RBM33: variants seen among roughly 807,000 people sequenced by gnomAD.
The protein encoded by RBM33 is RNA binding motif protein 33, also known as RNA-binding protein 33.
RBM33 carries 28 observed loss-of-function variants against 132.6 expected under a neutral mutation model. That is an observed-to-expected ratio of 0.21 (90% confidence interval 0.16 to 0.29). The LOEUF is 0.29. Among genes scored for constraint, RBM33 ranks in the 10% least tolerant of loss-of-function variants. The pLI is 1.00. For missense variants in RBM33, 1,291 were observed against 1,518.5 expected, an observed-to-expected ratio of 0.85 and a Z score of 2.49; for synonymous variants, 634 against 593.0, an observed-to-expected ratio of 1.07 and a Z score of -1.01.
intron 1 of RBM33, among the ~76,000 whole-genome samples, chr7:155,663,293 G>A (rs1452405997): frequency 2.0e-5 from 3 of 151,726 alleles, no homozygotes; most frequent in African/African-American, 7.3e-5. Flanking sequence ...TGGAGACTGG[G>A]TAATTCATAA....
intron 5 of RBM33, among the ~76,000 whole-genome samples, chr7:155,694,126 T>G (rs1361700645): frequency 1.3e-5 from 2 of 152,192 alleles, no homozygotes; most frequent in African/African-American, 2.4e-5. Context: ...TCTGTTAAGG[T>G]CTATATTAGA....
intron 1 of RBM33, among the ~76,000 whole-genome samples, chr7:155,662,933 G>A (rs1308161532): frequency 6.6e-6 from 1 of 152,164 alleles, no homozygotes; most frequent in Non-Finnish European, 1.5e-5. Context: ...GAGTTTCAAG[G>A]ATGAAGAGGG....
intron 5 of RBM33, among the ~76,000 whole-genome samples, chr7:155,692,011 A>C (rs1335005252): frequency 1.3e-5 from 2 of 151,252 alleles, no homozygotes; most frequent in Non-Finnish European, 2.9e-5. Context: ...TGATTGCGCC[A>C]CTGCCCTCCA....
rs534316976 is a variant in RBM33 at position 155,764,512 on chromosome 7, G to A, written c.3186+494G>A. On this transcript the variant is annotated intron_variant, in intron 15 of 17. Transcript: ENST00000401878. Reference sequence around the variant, plus strand: ...TTCCCTTAACCCTGGGGATTGGAAGGAGCTTCTCTGAGCTCAGGCTGTGAG... The same window carrying A: ...TTCCCTTAACCCTGGGGATTGGAAGAAGCTTCTCTGAGCTCAGGCTGTGAG... Among the ~76,000 whole-genome samples, 8 of 152,334 alleles carry A rather than the reference G, an allele frequency of 5.3e-5. No homozygotes were observed. The South Asian group carries it at 1.7e-3, about 32-fold the overall frequency.
chr7:155,771,803 G>T (rs1043179901), intron 16 of RBM33, among the ~76,000 whole-genome samples: 3 of 152,088 alleles, frequency 2.0e-5, no homozygotes, highest in African/African-American at 7.2e-5. Context: ...ATGATCCTGT[G>T]ATCATGATTC....
At chr7:155,736,014 G>A (rs528436125) in intron 9 of RBM33, among the ~76,000 whole-genome samples, 3 of 152,232 alleles carry the variant, frequency 2.0e-5, no homozygotes, top group Admixed American at 2.0e-4. Context: ...TGTTGTACAT[G>A]TTTCAATAAG....
Position 155,702,259 on chromosome 7 carries a change from C to T in RBM33, c.739+1315C>T, listed in dbSNP as rs532646753. Among the ~76,000 whole-genome samples the T allele has an allele frequency of 4.6e-3, 697 of 152,320 alleles. 8 individuals carry two copies. Among genetic ancestry groups the T allele is most frequent in the African/African-American group, 0.016 (654 of 41,560 alleles). The stretch of plus-strand genomic sequence containing the variant: ...CAGATACGAATTCTGTGGGAGGACA[C>T]TAAGCTTCAAAGATGCACAAGATAG... On this transcript the variant is annotated intron_variant, in intron 6 of 17. Transcript: ENST00000401878.
rs750018669 is a variant in RBM33, at chr7:155,742,030, A to G, written c.2261A>G (p.Gln754Arg). 1 of 1,613,924 alleles carries G rather than the reference A, an allele frequency of 6.2e-7. No individual in the cohort carries two copies. The highest frequency in any genetic ancestry group is 1.7e-5 in the Admixed American group (1 of 60,006). Residue 754 changes from glutamine to arginine, a missense_variant, in exon 13 of 18, where the codon CAG becomes CGG. Gln to Arg is a conservative substitution (Grantham distance 43, BLOSUM62 1). Coordinates refer to ENST00000401878, the MANE Select transcript of RBM33 (RefSeq NM_053043.3). Reference protein sequence around the residue: ...SRAVAGSRSSQGKTEVKVKPA... With the variant: ...SRAVAGSRSSRGKTEVKVKPA... ...GCCGTGGCGGGTTCCAGAAGCTCAC[A>G]GGGAAAGACGGAAGTGAAAGTCAAG...
At chr7:155,669,654 A>G (rs973874825) in intron 2 of RBM33, among the ~76,000 whole-genome samples, 1 of 152,150 alleles carries the variant, frequency 6.6e-6, no homozygotes, top group Non-Finnish European at 1.5e-5. Flanking sequence ...GCCTGGCCCA[A>G]AAAGTTTTAA....
At chr7:155,663,667 G>C (rs1798718713) in intron 1 of RBM33, among the ~76,000 whole-genome samples, 1 of 152,106 alleles carries the variant, frequency 6.6e-6, no homozygotes, top group Admixed American at 6.5e-5. Context: ...AGTAGTGTTT[G>C]GTAAGAGTAT....
intron 9 of RBM33, among the ~76,000 whole-genome samples, chr7:155,733,222 T>C (rs1801008826): frequency 6.6e-6 from 1 of 152,170 alleles, no homozygotes; most frequent in Non-Finnish European, 1.5e-5. Flanking sequence ...GGTTCCACAT[T>C]CTGACTTGGG....
intron 8 of RBM33, among the ~76,000 whole-genome samples, chr7:155,716,874 A>G (rs1005938777): frequency 6.6e-6 from 1 of 152,144 alleles, no homozygotes; most frequent in African/African-American, 2.4e-5. Flanking sequence ...AACTTCTGCC[A>G]TTTTTACATT....
intron 13 of RBM33, among the ~76,000 whole-genome samples, chr7:155,742,911 G>A (rs1023507785): frequency 6.6e-6 from 1 of 152,232 alleles, no homozygotes; most frequent in South Asian, 2.1e-4. Context: ...TGAAATGCAT[G>A]TGGAGTGCTC....
chr7:155,662,915 G>A (rs1684899159), intron 1 of RBM33, among the ~76,000 whole-genome samples: 1 of 152,144 alleles, frequency 6.6e-6, no homozygotes, highest in African/African-American at 2.4e-5. Context: ...TGGAGTCTTA[G>A]CATTACTGAG....
chr7:155,762,577 TG>T (rs1802071423), intron 14 of RBM33, among the ~76,000 whole-genome samples: 1 of 152,242 alleles, frequency 6.6e-6, no homozygotes, highest in African/African-American at 2.4e-5. Flanking sequence ...CTTGAGTCCC[TG>T]TTTCTTTGTA....
chr7:155,645,038 T>A, intron 1 of RBM33, 119 bp downstream of exon 1: 2 of 704,488 alleles, frequency 2.8e-6, no homozygotes, highest in Non-Finnish European at 4.4e-6. Flanking sequence ...ACTCTCTTTG[T>A]GTTCGGCCTA....
intron 3 of RBM33, among the ~76,000 whole-genome samples, chr7:155,676,897 G>GGCTC (rs1411671521): frequency 6.6e-6 from 1 of 152,110 alleles, no homozygotes; most frequent in Non-Finnish European, 1.5e-5. Context: ...CTCCCACGAG[G>GGCTC]GCTCACCCAC....
intron 8 of RBM33, among the ~76,000 whole-genome samples, chr7:155,714,124 G>A (rs1800389673): frequency 6.6e-6 from 1 of 152,182 alleles, no homozygotes; most frequent in South Asian, 2.1e-4. Flanking sequence ...CTTGAGGGGT[G>A]TGGATTTGAG....
chr7:155,676,048 T>C (rs1171847800), intron 3 of RBM33, among the ~76,000 whole-genome samples: 1 of 152,160 alleles, frequency 6.6e-6, no homozygotes. Flanking sequence ...GGAGTTCACA[T>C]GATGAGTACA....
Sources: allele counts gnomAD v4.1 joint callset (sites outside exome capture counted in the v4.1 genomes callset), GRCh38; gene constraint gnomAD v4.1.1; transcripts MANE v1.5; gene names NCBI Gene and HGNC (gene_info 2026-07-23, HGNC 2026-07-21).